CEP85L: variants seen among roughly 807,000 people sequenced by gnomAD.
CEP85L encodes centrosomal protein of 85 kDa-like.
CEP85L carries 60 observed loss-of-function variants against 100.3 expected under a neutral mutation model. That is an observed-to-expected ratio of 0.60 (90% confidence interval 0.49 to 0.74). The LOEUF (loss-of-function observed/expected upper bound fraction) is 0.74. CEP85L is among the 30% of genes least tolerant of loss of function. CEP85L has a pLI of 0.00. For missense variants in CEP85L, 973 were observed against 936.2 expected, an observed-to-expected ratio of 1.04 and a Z score of -0.51; for synonymous variants, 319 against 322.7, an observed-to-expected ratio of 0.99 and a Z score of 0.12.
At chr6:118,619,057 G>GGACTGGA (rs1485679775) in intron 2 of CEP85L, among the ~76,000 whole-genome samples, 326 of 152,270 alleles carry the variant, frequency 2.1e-3, no homozygotes, top group African/African-American at 7.6e-3. Context: ...GGACGATCAT[G>GGACTGGA]CGCTCCGAGC....
chr6:118,597,222 T>A (rs575114477), intron 2 of CEP85L, among the ~76,000 whole-genome samples: 10 of 152,308 alleles, frequency 6.6e-5, no homozygotes, highest in African/African-American at 1.9e-4. Context: ...CATAGCAGCA[T>A]GAGAACAGAG....
intron 1 of CEP85L, among the ~76,000 whole-genome samples, chr6:118,690,895 G>A (rs1777017234): frequency 6.6e-6 from 1 of 152,004 alleles, no homozygotes; most frequent in African/African-American, 2.4e-5. Context: ...CTACTCGGGA[G>A]GCTGAGGTAG....
intron 2 of CEP85L, among the ~76,000 whole-genome samples, chr6:118,617,769 G>A (rs946310513): frequency 3.9e-5 from 6 of 152,116 alleles, no homozygotes; most frequent in African/African-American, 9.7e-5. Flanking sequence ...ATTCTTTGGC[G>A]TGGCTAGGCA....
chr6:118,683,029 G>A (rs1180920138), intron 1 of CEP85L, among the ~76,000 whole-genome samples: 1 of 152,116 alleles, frequency 6.6e-6, no homozygotes, highest in African/African-American at 2.4e-5. Flanking sequence ...TTTTTATCAG[G>A]CATAACAATG....
chr6:118,474,563 C>T (rs1467253796), intron 10 of CEP85L, among the ~76,000 whole-genome samples: 1 of 152,200 alleles, frequency 6.6e-6, no homozygotes, highest in Non-Finnish European at 1.5e-5. Context: ...TTGTGGGGCA[C>T]TGGTTCTACG....
At chr6:118,501,929 T>C (rs1290796331) in intron 5 of CEP85L, 26 of 1,041,776 alleles carry the variant, frequency 2.5e-5, no homozygotes, top group Admixed American at 4.1e-5. Flanking sequence ...AGCAGTAATT[T>C]AGAGAGACAG....
chr6:118,624,526 C>T (rs543891912), intron 2 of CEP85L, among the ~76,000 whole-genome samples: 5 of 152,288 alleles, frequency 3.3e-5, no homozygotes, highest in African/African-American at 9.6e-5. Context: ...CCCAACTGCA[C>T]TTGCTTCTCT....
chr6:118,495,093 T>C (rs963936895), intron 5 of CEP85L, among the ~76,000 whole-genome samples: 1 of 150,942 alleles, frequency 6.6e-6, no homozygotes, highest in Non-Finnish European at 1.5e-5. Context: ...ACTTGGGATA[T>C]GATGACAGAA....
chr6:118,633,158 T>G lies in CEP85L; in HGVS notation c.74-547A>C, dbSNP rs1193005915. The stretch of plus-strand genomic sequence containing the variant: ...TTTGAATTATTTCCTTAATTATTAT[T>G]TAATAACAGTTTAATAGCACAGCAT... On this transcript the variant is annotated intron_variant, in intron 1 of 12. Coordinates refer to ENST00000368491, the MANE Select transcript of CEP85L (RefSeq NM_001042475.3). Among the ~76,000 whole-genome samples, 6 of 152,218 alleles carry G rather than the reference T, an allele frequency of 3.9e-5. No homozygotes were observed. In the South Asian group the frequency reaches 1.0e-3, roughly 26 times the overall value.
At chr6:118,556,425 T>C (rs541277842) in intron 3 of CEP85L, among the ~76,000 whole-genome samples, 12 of 152,338 alleles carry the variant, frequency 7.9e-5, no homozygotes, top group Middle Eastern at 3.4e-3. Context: ...CAGTCTACTA[T>C]ATAATTCAGA....
chr6:118,634,578 C>T (rs1471416896), intron 1 of CEP85L, among the ~76,000 whole-genome samples: 1 of 152,122 alleles, frequency 6.6e-6, no homozygotes, highest in Non-Finnish European at 1.5e-5. Context: ...TCAGAACAAC[C>T]ACTTAAAGCT....
rs1191944949 is a variant in CEP85L, at chr6:118,479,888, TTC to T, written c.1895_1896del (p.Arg632AsnfsTer14). On this transcript the variant is annotated frameshift_variant, in exon 10 of 13. Transcript: ENST00000368491. LOFTEE classifies it high-confidence loss of function. ...IIDSQQDEIDRMILEIQSMQG... is the reference protein window; with the variant it reads ...IIDSQQDEIDXMILEIQSMQG... The stretch of plus-strand genomic sequence containing the variant: ...TTCCTTACCTGAATTTCTAAAATCA[TTC>T]TGTCAATCTCATCTTGTTGGCTGTC... The T allele has an allele frequency of 6.6e-7, 1 of 1,506,264 alleles. No individual in the cohort carries two copies. Among genetic ancestry groups the T allele is most frequent in the African/African-American group, 1.4e-5 (1 of 70,636 alleles). 93.3% of individuals were successfully genotyped at this position (1,506,264 alleles called of 1,614,324 possible). A position where few individuals can be genotyped will look rare whatever the true frequency, so the allele number is the denominator to read the frequency against.
chr6:118,532,224 T>C (rs960602413), intron 3 of CEP85L, among the ~76,000 whole-genome samples: 1 of 151,682 alleles, frequency 6.6e-6, no homozygotes, highest in African/African-American at 2.4e-5. Flanking sequence ...ATGGATGGAG[T>C]AGGCCATTAT....
At chr6:118,512,196 G>A (rs1776010499) in intron 4 of CEP85L, among the ~76,000 whole-genome samples, 1 of 152,134 alleles carries the variant, frequency 6.6e-6, no homozygotes, top group Non-Finnish European at 1.5e-5. Flanking sequence ...TCAAGCCCCA[G>A]CACAGGAATG....
At chr6:118,478,806 G>T (rs763963655) in intron 10 of CEP85L, among the ~76,000 whole-genome samples, 1 of 152,100 alleles carries the variant, frequency 6.6e-6, no homozygotes, top group Non-Finnish European at 1.5e-5. Flanking sequence ...ACATATAAGA[G>T]TAAATTGCAG....
chr6:118,614,916 A>T (rs1583170509), intron 2 of CEP85L, among the ~76,000 whole-genome samples: 1 of 152,104 alleles, frequency 6.6e-6, no homozygotes, highest in Non-Finnish European at 1.5e-5. Flanking sequence ...AGATTTTTTT[A>T]AAAGCAAATG....
intron 1 of CEP85L, among the ~76,000 whole-genome samples, chr6:118,688,266 G>A (rs1008492902): frequency 7.2e-5 from 11 of 152,148 alleles, no homozygotes; most frequent in Non-Finnish European, 1.6e-4. Flanking sequence ...CTCCCAAAGT[G>A]CTGGGATTAC....
chr6:118,591,255 G>T (rs372731890), intron 2 of CEP85L, among the ~76,000 whole-genome samples: 1 of 152,100 alleles, frequency 6.6e-6, no homozygotes, highest in Admixed American at 6.5e-5. Flanking sequence ...TGACTTCCTA[G>T]AACTAAATTA....
intron 10 of CEP85L, among the ~76,000 whole-genome samples, chr6:118,472,427 C>T (rs1389867866): frequency 6.6e-6 from 1 of 152,092 alleles, no homozygotes; most frequent in Non-Finnish European, 1.5e-5. Flanking sequence ...CCTGAAAGGA[C>T]CAAGTGCTGT....
Sources: allele counts gnomAD v4.1 joint callset (sites outside exome capture counted in the v4.1 genomes callset), GRCh38; gene constraint gnomAD v4.1.1; transcripts MANE v1.5; gene names NCBI Gene and HGNC (gene_info 2026-07-23, HGNC 2026-07-21).